The following ZRANB1 variants were observed in gnomAD, a reference collection of about 807,000 sequenced individuals.
ZRANB1 encodes the protein zinc finger RANBP2-type containing 1.
In ZRANB1, 16 loss-of-function variants were observed where a neutral mutation model predicts 80.5. That is an observed-to-expected ratio of 0.20 (90% CI 0.13 to 0.30). ZRANB1 has a LOEUF of 0.30. Ranked by LOEUF, ZRANB1 falls within the 10% of genes least tolerant of loss-of-function variation. The probability of loss-of-function intolerance (pLI) is 1.00; values close to 1 mark genes in which losing one functional copy is unlikely to be tolerated. For synonymous variants in ZRANB1, 291 were observed against 293.1 expected (o/e 0.99, Z 0.07); for missense variants, 576 against 862.6 (o/e 0.67, Z 4.16).
chr10:124,938,527 A>G (rs1395069933), upstream of ZRANB1, among the ~76,000 whole-genome samples: 1 of 151,718 alleles, frequency 6.6e-6, no homozygotes, highest in Admixed American at 6.6e-5. Context: ...TGGTTTTGCC[A>G]TGTTGCCCAG....
chr10:124,933,479 T>C, the ZRANB1 span, among the ~76,000 whole-genome samples: 1 of 152,204 alleles, frequency 6.6e-6, no homozygotes, highest in Non-Finnish European at 1.5e-5. Context: ...TTCATAGTTC[T>C]TGCAAAAGTT....
chr10:124,959,437 G>A, intron 1 of ZRANB1, among the ~76,000 whole-genome samples: 1 of 151,728 alleles, frequency 6.6e-6, no homozygotes, highest in East Asian at 1.9e-4. Context: ...GAATTTAGCT[G>A]TTAACCTGAG....
chr10:124,941,835 A>G (rs985300541), upstream of ZRANB1, among the ~76,000 whole-genome samples: 1 of 152,192 alleles, frequency 6.6e-6, no homozygotes, highest in Non-Finnish European at 1.5e-5. Context: ...GCTACAGATT[A>G]TCAAGGAACT....
At chr10:124,943,545 G>GTA (rs756402215) in intron 1 of ZRANB1, among the ~76,000 whole-genome samples, 2,520 of 149,772 alleles carry the variant, frequency 0.017, 33 homozygotes, top group Non-Finnish European at 0.026. Context: ...GTGTGTGTGT[G>GTA]TATATATATA....
chr10:124,943,515 A>G (rs528847470), intron 1 of ZRANB1, among the ~76,000 whole-genome samples: 15 of 128,772 alleles, frequency 1.2e-4, no homozygotes, highest in Non-Finnish European at 2.3e-4. Flanking sequence ...CTCCACGCAC[A>G]TGCAAAAATG....
At chr10:124,944,490 C>G (rs967486667) in intron 1 of ZRANB1, among the ~76,000 whole-genome samples, 1 of 96,802 alleles carries the variant, frequency 1.0e-5, no homozygotes, top group African/African-American at 4.0e-5. Flanking sequence ...TCATTCCCCC[C>G]CCCCCCCCGC....
chr10:124,985,309 G>T lies in ZRANB1; in HGVS notation c.*317G>T, dbSNP rs763165166. 2 of 217,468 alleles carry T rather than the reference G, an allele frequency of 9.2e-6. No homozygotes were observed. The highest frequency in any genetic ancestry group is 9.0e-6 in the Non-Finnish European group (1 of 110,998). The allele number at this position is 217,468 out of a possible 1,614,324, so 13.5% of individuals were successfully genotyped here. Reference sequence around the variant, plus strand: ...TGTAAGACATTGTTTAATAGGAAAAGTTGTACCAGCATCTTCATATTATTG... The same window carrying T: ...TGTAAGACATTGTTTAATAGGAAAATTTGTACCAGCATCTTCATATTATTG... On this transcript the variant is annotated 3_prime_UTR_variant, in exon 9 of 9. Transcript: ENST00000359653.
Position 124,983,615 on chromosome 10 carries a change from T to C in ZRANB1, c.1835T>C (p.Val612Ala). The change falls in exon 8 of 9, where the codon GTC becomes GCC. Residue 612 changes from valine to alanine, a missense_variant. By Grantham distance (64) the Val-to-Ala change is moderately conservative. This residue lies in a region of ZRANB1 where 152 missense variants were observed against 221.9 expected (regional missense o/e 0.69). Coordinates refer to ENST00000359653, the MANE Select transcript of ZRANB1 (RefSeq NM_017580.3). This position sits in a 1 kb window ranked among gnomAD's most constrained non-coding sequence, Gnocchi z 6.2. ...GCTAATCTCAATACCGATGATGATG[T>C]CACCATCACATTTTTGCCTCTGGTT... ...AGANLNTDDD[V>A]TITFLPLVDS... 6.2e-7 allele frequency: 1 copy of C among 1,613,882 alleles called. No homozygotes were observed. Among genetic ancestry groups the C allele is most frequent in the Non-Finnish European group, 8.5e-7 (1 of 1,179,872 alleles).
the ZRANB1 span, among the ~76,000 whole-genome samples, chr10:124,926,578 T>G: frequency 6.6e-6 from 1 of 152,330 alleles, no homozygotes; most frequent in African/African-American, 2.4e-5. Flanking sequence ...AACAATGCCT[T>G]CTAGAATACC....
At chr10:124,919,654 C>T in the ZRANB1 span, among the ~76,000 whole-genome samples, 2 of 149,356 alleles carry the variant, frequency 1.3e-5, no homozygotes, top group East Asian at 4.0e-4. Flanking sequence ...CTCTGTCACC[C>T]AGGCTGAATT....
intron 5 of ZRANB1, among the ~76,000 whole-genome samples, chr10:124,975,836 T>C (rs989286075): frequency 3.9e-5 from 6 of 152,138 alleles, no homozygotes; most frequent in Admixed American, 6.5e-5. Context: ...ACCCTGTCTC[T>C]ACTAAAAATA....
At chr10:124,922,954 C>T in the ZRANB1 span, among the ~76,000 whole-genome samples, 7 of 152,056 alleles carry the variant, frequency 4.6e-5, no homozygotes, top group Non-Finnish European at 5.9e-5. Flanking sequence ...CCCAGGAATT[C>T]GAGTCCAGTC....
chr10:124,986,998 T>A lies in ZRANB1; in HGVS notation c.*2006T>A, dbSNP rs1483342817. ...TTTATTTATTATCAATCAGTGACCCTGACCACATAGTGTGATAGGTGCAGC... is the reference window on the plus strand; with the variant it reads ...TTTATTTATTATCAATCAGTGACCCAGACCACATAGTGTGATAGGTGCAGC... On this transcript the variant is annotated 3_prime_UTR_variant, in exon 9 of 9. Transcript: ENST00000359653. 1 of 152,322 alleles carries A rather than the reference T, an allele frequency of 6.6e-6. No individual in the cohort carries two copies. Among genetic ancestry groups the A allele is most frequent in the African/African-American group, 2.4e-5 (1 of 41,412 alleles). 9.4% of individuals were successfully genotyped at this position (152,322 alleles called of 1,614,324 possible). A position where few individuals can be genotyped will look rare whatever the true frequency, so the allele number is the denominator to read the frequency against.
intron 1 of ZRANB1, among the ~76,000 whole-genome samples, chr10:124,947,305 A>C (rs1010407271): frequency 6.6e-6 from 1 of 152,196 alleles, no homozygotes; most frequent in Non-Finnish European, 1.5e-5. Context: ...TTTTAGGTAC[A>C]TCAGGTTTTT....
intron 2 of ZRANB1, among the ~76,000 whole-genome samples, chr10:124,971,699 A>G (rs1251257309): frequency 6.6e-6 from 1 of 152,160 alleles, no homozygotes; most frequent in Non-Finnish European, 1.5e-5. Flanking sequence ...CCTTTTCCAT[A>G]CATTTTTATG....
intron 1 of ZRANB1, among the ~76,000 whole-genome samples, chr10:124,953,741 T>G (rs1039015279): frequency 1.3e-5 from 2 of 152,246 alleles, no homozygotes; most frequent in Non-Finnish European, 2.9e-5. Flanking sequence ...TTTGCAGTCA[T>G]CATTACTTCT....
the ZRANB1 span, among the ~76,000 whole-genome samples, chr10:124,934,788 A>AT: frequency 2.0e-5 from 3 of 152,212 alleles, no homozygotes; most frequent in Admixed American, 6.5e-5. Context: ...AGTAGATGAT[A>AT]TTTAAAGCCC....
chr10:124,986,946 T>G lies in ZRANB1; in HGVS notation c.*1954T>G, dbSNP rs1952061219. The G allele has an allele frequency of 6.6e-6, 1 of 152,216 alleles. No homozygotes were observed. The highest frequency in any genetic ancestry group is 2.1e-4 in the South Asian group (1 of 4,822). 9.4% of individuals were successfully genotyped at this position (152,216 alleles called of 1,614,324 possible). On this transcript the variant is annotated 3_prime_UTR_variant, in exon 9 of 9. Transcript: ENST00000359653. ...CTGTGTGTTGTGGTCTGGTGAGTGT[T>G]GTTTCCCCTGAGCGCTCTATTATTT... is the stretch of plus-strand genomic sequence containing the variant.
rs547227630 is a variant in ZRANB1 at position 124,963,542 on chromosome 10, T to G, written c.815-3052T>G. 2.2e-3 allele frequency among the ~76,000 whole-genome samples: 296 copies of G among 132,840 alleles called. 2 individuals are homozygous for G. The highest frequency in any genetic ancestry group is 8.2e-3 in the African/African-American group (289 of 35,376). 87.1% of individuals were successfully genotyped at this position (132,840 alleles called of 152,430 possible). ...AAGAACTCAGATATTGTAAGGTTTT[T>G]TTTTTTTGTTTGTTTTTTTTTTTTT... is the stretch of plus-strand genomic sequence containing the variant. On this transcript the variant is annotated intron_variant, in intron 1 of 8. Coordinates refer to ENST00000359653, the MANE Select transcript of ZRANB1 (RefSeq NM_017580.3).
Sources: gnomAD v4.1 joint callset for allele counts (sites outside exome capture counted in the v4.1 genomes callset) on GRCh38, gnomAD v4.1.1 for gene constraint, gnomAD v4.1.1 regional missense constraint, Gnocchi (gnomAD v3.1) non-coding constraint, MANE v1.5 for transcripts, NCBI Gene and HGNC (gene_info 2026-07-23, HGNC 2026-07-21) for gene names.